The following SLC43A1 variants were observed in gnomAD, a reference collection of about 807,000 sequenced individuals.
SLC43A1 encodes large neutral amino acids transporter small subunit 3.
A neutral mutation model predicts 59.5 loss-of-function variants in SLC43A1; 31 were observed. The observed-to-expected ratio is 0.52, with a 90% CI of 0.39 to 0.70. The LOEUF (loss-of-function observed/expected upper bound fraction) is 0.70. SLC43A1 is among the 30% of genes least tolerant of loss of function. The pLI is 0.00. For missense variants in SLC43A1, 598 were observed against 717.8 expected (o/e 0.83, Z 1.91); for synonymous variants, 259 against 290.9 (o/e 0.89, Z 1.12).
intron 7 of SLC43A1, among the ~76,000 whole-genome samples, chr11:57,495,291 C>A (rs1204453977): frequency 6.6e-6 from 1 of 151,774 alleles, no homozygotes; most frequent in East Asian, 2.0e-4. Context: ...GAGTTCAAGA[C>A]CAGCCTGGCC....
At chr11:57,512,019 C>A (rs1434474065) in intron 2 of SLC43A1, among the ~76,000 whole-genome samples, 2 of 152,050 alleles carry the variant, frequency 1.3e-5, no homozygotes, top group African/African-American at 4.8e-5. Context: ...TCTGAACATA[C>A]TAAAACTGTT....
At chr11:57,510,182 C>A (rs1296797710) in intron 2 of SLC43A1, among the ~76,000 whole-genome samples, 1 of 151,962 alleles carries the variant, frequency 6.6e-6, no homozygotes, top group East Asian at 1.9e-4. Flanking sequence ...GCAGGCCGGG[C>A]GCGGTGGCTC....
At chr11:57,512,261 C>T (rs1212868634) in intron 2 of SLC43A1, among the ~76,000 whole-genome samples, 1 of 152,028 alleles carries the variant, frequency 6.6e-6, no homozygotes, top group Non-Finnish European at 1.5e-5. Context: ...TTTAAAGAAA[C>T]ACCACCAGCA....
chr11:57,487,825 G>A lies in SLC43A1; in HGVS notation c.1410-607C>T, dbSNP rs979653795. Among the ~76,000 whole-genome samples, 7 of 152,026 alleles carry A rather than the reference G, an allele frequency of 4.6e-5. No homozygotes were observed. The East Asian group carries it at 1.2e-3, about 25-fold the overall frequency. On this transcript the variant is annotated intron_variant, in intron 13 of 14. Transcript: ENST00000278426. ...GAAGAAGGAGAGAAGGTAAGATTGG[G>A]CACCTTGCAGATATCTGGAGAAGAA...
chr11:57,485,345 G>T, intron 14 of SLC43A1, 103 bp from the exon 15 acceptor site: 1 of 1,050,490 alleles, frequency 9.5e-7, no homozygotes, highest in Non-Finnish European at 1.4e-6. Flanking sequence ...TCCTGAGCCA[G>T]AATAAATACA....
In SLC43A1 at chr11:57,494,442, C is replaced by T. The variant is rs137926186; in HGVS notation, c.693-271G>A. 16 of 456,066 alleles carry T rather than the reference C, an allele frequency of 3.5e-5. No homozygotes were observed. In the East Asian group the frequency reaches 6.6e-4, roughly 19 times the overall value. 28.3% of individuals were successfully genotyped at this position (456,066 alleles called of 1,614,324 possible). On this transcript the variant is annotated intron_variant, in intron 7 of 14. Coordinates refer to ENST00000278426, the MANE Select transcript of SLC43A1 (RefSeq NM_003627.6). ...GGAGGCAGCATTAACACCTCAGACT[C>T]CAGAGTCAGACAGCCTGCGTCCAAC...
At chr11:57,489,460 C>A (rs1294985018) in intron 11 of SLC43A1, 68 bp from the exon 12 acceptor site, 2 of 1,572,256 alleles carry the variant, frequency 1.3e-6, no homozygotes, top group Non-Finnish European at 1.7e-6. Context: ...CTTGGCCTGG[C>A]CCCTCCCCCT....
rs1287287701 is a variant in SLC43A1 at position 57,504,483 on chromosome 11, G to A, written c.155-3154C>T. Among the ~76,000 whole-genome samples, 6 of 152,130 alleles carry A rather than the reference G, an allele frequency of 3.9e-5. No individual in the cohort carries two copies. The South Asian group carries it at 1.0e-3, about 26-fold the overall frequency. On this transcript the variant is annotated intron_variant, in intron 2 of 14. Transcript: ENST00000278426. ...TTCCCTCACAAACAATCCCACTAGCGTGCAAATTTACACCTACTTTGTGCC... is the reference window on the plus strand; with the variant it reads ...TTCCCTCACAAACAATCCCACTAGCATGCAAATTTACACCTACTTTGTGCC...
Position 57,515,371 on chromosome 11 carries a change from C to G in SLC43A1, c.-14+73G>C, listed in dbSNP as rs1944663016. ...GAAGCCTGGCAGTGTCGGCGGGAGC[C>G]GGCCTCGGTGTCTCTCAGCCGACGC... is the stretch of plus-strand genomic sequence containing the variant. On this transcript the variant is annotated intron_variant, in intron 1 of 14. Coordinates refer to ENST00000278426, the MANE Select transcript of SLC43A1 (RefSeq NM_003627.6). The surrounding 1 kb of genome is among the most constrained non-coding windows in gnomAD (Gnocchi z 5.3). 6.6e-6 allele frequency: 1 copy of G among 152,272 alleles called. No homozygotes were observed. The highest frequency in any genetic ancestry group is 6.5e-5 in the Admixed American group (1 of 15,282). 9.4% of individuals were successfully genotyped at this position (152,272 alleles called of 1,614,324 possible). A position where few individuals can be genotyped will look rare whatever the true frequency, so the allele number is the denominator to read the frequency against.
At chr11:57,485,810 C>T (rs977904342) in intron 14 of SLC43A1, among the ~76,000 whole-genome samples, 6 of 152,054 alleles carry the variant, frequency 3.9e-5, no homozygotes, top group Admixed American at 1.3e-4. Context: ...GCTGTTGTGG[C>T]GAAGATGTAA....
At chr11:57,501,350 G>A in intron 2 of SLC43A1, 21 bp from the exon 3 acceptor site, 1 of 1,603,726 alleles carries the variant, frequency 6.2e-7, no homozygotes, top group Non-Finnish European at 8.5e-7. Context: ...GGAAGGGAGG[G>A]CTCAGCACAT....
chr11:57,485,068 G>A lies in SLC43A1; in HGVS notation c.*28C>T, dbSNP rs1303636231. 6 of 1,591,928 alleles carry A rather than the reference G, an allele frequency of 3.8e-6. No homozygotes were observed. The highest frequency in any genetic ancestry group is 1.8e-5 in the Admixed American group (1 of 55,306). ...TTGGTTGCTCAGGCCTTGATTGCCT[G>A]TCATCCAGGTCCCTTGGTCTGAGAA... is the stretch of plus-strand genomic sequence containing the variant. On this transcript the variant is annotated 3_prime_UTR_variant, in exon 15 of 15. Coordinates refer to ENST00000278426, the MANE Select transcript of SLC43A1 (RefSeq NM_003627.6).
chr11:57,488,647 G>A (rs780074600), intron 13 of SLC43A1, among the ~76,000 whole-genome samples: 1 of 152,164 alleles, frequency 6.6e-6, no homozygotes, highest in Non-Finnish European at 1.5e-5. Flanking sequence ...GGGCATGGAG[G>A]GGAGGCCATT....
rs756325818 is a variant in SLC43A1 at position 57,494,002 on chromosome 11, G to C, written c.862C>G (p.Leu288Val). The C allele has an allele frequency of 1.9e-6, 3 of 1,592,516 alleles. No individual in the cohort carries two copies. The highest frequency in any genetic ancestry group is 2.6e-6 in the Non-Finnish European group (3 of 1,170,984). Residue 288 changes from leucine to valine, a missense_variant, in exon 8 of 15, where the codon CTT becomes GTT. Leu to Val is a conservative substitution (Grantham distance 32). Coordinates refer to ENST00000278426, the MANE Select transcript of SLC43A1 (RefSeq NM_003627.6). Reference sequence around the variant, plus strand: ...TTGACCAGACACTCACTCTCAGGAAGGTTTTCTGAGGTGCCCCGAACATCC... The same window carrying C: ...TTGACCAGACACTCACTCTCAGGAACGTTTTCTGAGGTGCCCCGAACATCC... ...PQDVRGTSEN[L>V]PERSVPLRKS...
intron 7 of SLC43A1, among the ~76,000 whole-genome samples, chr11:57,494,849 CTT>C (rs34199356): frequency 1.5e-4 from 22 of 143,046 alleles, no homozygotes; most frequent in African/African-American, 2.8e-4. Flanking sequence ...TTTGTCATTA[CTT>C]TTTTTTTTTT....
In SLC43A1 at chr11:57,501,178, G is replaced by T. The variant is rs145104521; in HGVS notation, c.306C>A (p.Gly102=). 13 of 1,612,182 alleles carry T rather than the reference G, an allele frequency of 8.1e-6. No homozygotes were observed. Among genetic ancestry groups the T allele is most frequent in the Non-Finnish European group, 1.0e-5 (12 of 1,180,030 alleles). Reference sequence around the variant, plus strand: ...TGCCAACCAGCCGCACGGGTCGGGGGCCAAAGCGGTCCATGAGGATCCCCA... The same window carrying T: ...TGCCAACCAGCCGCACGGGTCGGGGTCCAAAGCGGTCCATGAGGATCCCCA... ...LPLGILMDRF[G]PRPVRLVGSA... The change falls in exon 3 of 15, where the codon GGC becomes GGA. Residue 102 remains glycine, a synonymous_variant. Transcript: ENST00000278426.
intron 2 of SLC43A1, among the ~76,000 whole-genome samples, chr11:57,504,711 T>C (rs1447593352): frequency 6.6e-6 from 1 of 152,216 alleles, no homozygotes; most frequent in African/African-American, 2.4e-5. Context: ...CTGTGTTACA[T>C]GGGCCAGTTA....
At chr11:57,497,150 C>A (rs544862786) in intron 6 of SLC43A1, among the ~76,000 whole-genome samples, 2 of 152,154 alleles carry the variant, frequency 1.3e-5, no homozygotes, top group African/African-American at 4.8e-5. Context: ...AAGTGCAAAA[C>A]GGTATGCAGT....
chr11:57,497,674 G>C (rs1034426143), intron 6 of SLC43A1, 79 bp downstream of exon 6: 3 of 1,037,444 alleles, frequency 2.9e-6, no homozygotes, highest in Non-Finnish European at 4.4e-6. Context: ...CAGACCCGTG[G>C]GTCAGCACTA....
Sources: gnomAD v4.1 joint callset for allele counts (sites outside exome capture counted in the v4.1 genomes callset) on GRCh38, gnomAD v4.1.1 for gene constraint, Gnocchi (gnomAD v3.1) non-coding constraint, MANE v1.5 for transcripts, NCBI Gene and HGNC (gene_info 2026-07-23, HGNC 2026-07-21) for gene names.